SPECC1L: variants seen among roughly 807,000 people sequenced by gnomAD.
The protein encoded by SPECC1L is sperm antigen with calponin homology and coiled-coil domains 1 like, also known as cytospin-A.
SPECC1L carries 40 observed loss-of-function variants against 116.8 expected under a neutral mutation model. That is an observed-to-expected ratio of 0.34 (90% CI 0.27 to 0.45). The LOEUF (loss-of-function observed/expected upper bound fraction) is 0.45, where lower values mean the gene tolerates loss of function less well. Among genes scored for constraint, SPECC1L ranks in the 20% least tolerant of loss-of-function variants. The pLI, the probability that SPECC1L is intolerant of heterozygous loss-of-function variation, is 1.00. For missense variants in SPECC1L, 1,110 were observed against 1,373.6 expected, an observed-to-expected ratio of 0.81 and a Z score of 3.03; for synonymous variants, 504 against 500.6, an observed-to-expected ratio of 1.01 and a Z score of -0.09.
In SPECC1L at chr22:24,274,846, T is replaced by C. The variant is rs191446418; in HGVS notation, c.-141-1854T>C. 5.6e-3 allele frequency among the ~76,000 whole-genome samples: 842 copies of C among 151,116 alleles called. 5 individuals carry two copies. The highest frequency in any genetic ancestry group is 0.018 in the African/African-American group (754 of 41,038). On this transcript the variant is annotated intron_variant, in intron 1 of 16. Coordinates refer to ENST00000314328, the MANE Select transcript of SPECC1L (RefSeq NM_015330.6). ...GCTTTGACCCCTGTTCTCCTTCCCC[T>C]ACCTCTGTTTAGGTGCTTCACTGAG...
At chr22:24,378,773 G>T (rs953183637) in intron 14 of SPECC1L, among the ~76,000 whole-genome samples, 2 of 152,194 alleles carry the variant, frequency 1.3e-5, no homozygotes, top group African/African-American at 4.8e-5. Context: ...TATGGGCACA[G>T]TTCATGGCAC....
intron 10 of SPECC1L, among the ~76,000 whole-genome samples, chr22:24,346,160 C>G (rs1020096155): frequency 2.6e-5 from 4 of 152,116 alleles, no homozygotes; most frequent in African/African-American, 9.7e-5. Flanking sequence ...GCGCCTGCCA[C>G]CACGCCCAGC....
chr22:24,327,299 A>C (rs934612891), intron 6 of SPECC1L, among the ~76,000 whole-genome samples: 1 of 151,096 alleles, frequency 6.6e-6, no homozygotes, highest in African/African-American at 2.4e-5. Context: ...AAAAAAAAAA[A>C]AAACATCAGA....
intron 2 of SPECC1L, among the ~76,000 whole-genome samples, chr22:24,290,071 T>C (rs1405030149): frequency 1.3e-5 from 2 of 152,228 alleles, no homozygotes; most frequent in African/African-American, 2.4e-5. Flanking sequence ...TGGGGATTCA[T>C]TGGCCCTGCT....
chr22:24,404,313 G>A (rs936422355), intron 14 of SPECC1L, among the ~76,000 whole-genome samples: 3 of 152,124 alleles, frequency 2.0e-5, no homozygotes, highest in African/African-American at 4.8e-5. Flanking sequence ...CGCACTTTCT[G>A]TCTCTCCGCA....
chr22:24,333,707 A>G (rs546261815), intron 8 of SPECC1L, among the ~76,000 whole-genome samples: 3 of 152,152 alleles, frequency 2.0e-5, no homozygotes, highest in South Asian at 4.1e-4. Flanking sequence ...AATTAATATT[A>G]TATAGTTATC....
rs550050512 is a variant in SPECC1L, at chr22:24,350,870, C to T, written c.2743+3694C>T. Among the ~76,000 whole-genome samples, 24 of 152,312 alleles carry T rather than the reference C, an allele frequency of 1.6e-4. 1 individual carries two copies. In the South Asian group the frequency reaches 5.0e-3, roughly 32 times the overall value. On this transcript the variant is annotated intron_variant, in intron 11 of 16. Coordinates refer to ENST00000314328, the MANE Select transcript of SPECC1L (RefSeq NM_015330.6). ...TGCCAGTACCCTAAAGCTGTGAGTCCAGCCTGGGCACGGTGGTGTGGCTGC... is the reference window on the plus strand; with the variant it reads ...TGCCAGTACCCTAAAGCTGTGAGTCTAGCCTGGGCACGGTGGTGTGGCTGC...
intron 2 of SPECC1L, among the ~76,000 whole-genome samples, chr22:24,290,842 G>C (rs989292123): frequency 6.6e-6 from 1 of 152,168 alleles, no homozygotes; most frequent in East Asian, 1.9e-4. Flanking sequence ...AAGAATATAG[G>C]ATCAATCCAT....
chr22:24,295,270 A>G (rs1283386883), intron 2 of SPECC1L, among the ~76,000 whole-genome samples: 6 of 151,004 alleles, frequency 4.0e-5, no homozygotes, highest in Non-Finnish European at 7.4e-5. Context: ...TATGGCAAAT[A>G]TTTTAAATTT....
At position 24,348,432 on chromosome 22, in the gene SPECC1L, AGT is replaced by A. The variant is rs1262173159; in HGVS notation, c.2743+1259_2743+1260del. 4.6e-5 allele frequency among the ~76,000 whole-genome samples: 7 copies of A among 152,278 alleles called. No individual in the cohort carries two copies. The East Asian group carries it at 1.3e-3, about 29-fold the overall frequency. On this transcript the variant is annotated intron_variant, in intron 11 of 16. Coordinates refer to ENST00000314328, the MANE Select transcript of SPECC1L (RefSeq NM_015330.6). The stretch of plus-strand genomic sequence containing the variant: ...ACTGGCCCTATACCTGTCAGTCTTC[AGT>A]GTTCTGATAAGCTGGTTGTGTACAC...
chr22:24,408,070 G>A (rs1270548539), intron 14 of SPECC1L, among the ~76,000 whole-genome samples: 1 of 151,768 alleles, frequency 6.6e-6, no homozygotes, highest in Non-Finnish European at 1.5e-5. Flanking sequence ...GGGTGGCTGT[G>A]AGAGTGAAAG....
At chr22:24,358,877 A>G (rs2041585117) in intron 11 of SPECC1L, among the ~76,000 whole-genome samples, 2 of 152,202 alleles carry the variant, frequency 1.3e-5, no homozygotes, top group African/African-American at 4.8e-5. Flanking sequence ...TAACTAGCAG[A>G]CCTAGCATGC....
At chr22:24,273,985 C>T (rs1163229358) in intron 1 of SPECC1L, among the ~76,000 whole-genome samples, 2 of 152,146 alleles carry the variant, frequency 1.3e-5, no homozygotes, top group East Asian at 1.9e-4. Context: ...CTGGAACTCC[C>T]GACCTCAGGT....
intron 14 of SPECC1L, among the ~76,000 whole-genome samples, chr22:24,389,971 G>A (rs2042233703): frequency 6.6e-6 from 1 of 151,980 alleles, no homozygotes; most frequent in African/African-American, 2.4e-5. Context: ...AACCTAAAGA[G>A]ATTGGGCCCA....
intron 4 of SPECC1L, among the ~76,000 whole-genome samples, chr22:24,317,532 G>T (rs2040613460): frequency 2.2e-5 from 3 of 133,704 alleles, no homozygotes; most frequent in African/African-American, 5.3e-5. Flanking sequence ...CAGGCAGAGG[G>T]GCTCCTCACT....
intron 2 of SPECC1L, among the ~76,000 whole-genome samples, chr22:24,280,365 C>T (rs372269115): frequency 3.3e-5 from 5 of 151,508 alleles, no homozygotes; most frequent in African/African-American, 1.2e-4. Context: ...TAGTAATGAA[C>T]ATTCCTGGGG....
At chr22:24,313,276 A>C in intron 3 of SPECC1L, 37 bp from the exon 4 acceptor site, 4 of 1,610,354 alleles carry the variant, frequency 2.5e-6, no homozygotes, top group Non-Finnish European at 3.4e-6. Context: ...ATCTTGCTTG[A>C]TCTAGTAAAT....
chr22:24,389,825 T>C (rs1208233273), intron 14 of SPECC1L, among the ~76,000 whole-genome samples: 2 of 152,166 alleles, frequency 1.3e-5, no homozygotes, highest in Non-Finnish European at 2.9e-5. Flanking sequence ...AAGTATTAAG[T>C]ATGGTACTTG....
intron 6 of SPECC1L, among the ~76,000 whole-genome samples, chr22:24,327,957 G>C (rs1210337014): frequency 3.3e-5 from 5 of 152,202 alleles, no homozygotes; most frequent in Admixed American, 6.5e-5. Context: ...TAAAGGATTT[G>C]CCACCAGTTG....
Sources: gnomAD v4.1 joint callset for allele counts (sites outside exome capture counted in the v4.1 genomes callset) on GRCh38, gnomAD v4.1.1 for gene constraint, MANE v1.5 for transcripts, NCBI Gene and HGNC (gene_info 2026-07-23, HGNC 2026-07-21) for gene names.